PTBP1: variants seen among roughly 807,000 people sequenced by gnomAD.
PTBP1 encodes polypyrimidine tract-binding protein 1.
PTBP1 carries 8 observed loss-of-function variants against 59.8 expected under a neutral mutation model. The observed-to-expected ratio is 0.13, with a 90% CI of 0.08 to 0.24. PTBP1 has a LOEUF of 0.24. Among genes scored for constraint, PTBP1 ranks in the 10% least tolerant of loss-of-function variants. PTBP1 has a pLI of 1.00. For synonymous variants in PTBP1, 490 were observed against 320.7 expected, an observed-to-expected ratio of 1.53 and a Z score of -5.64; for missense variants, 686 against 767.0, an observed-to-expected ratio of 0.89 and a Z score of 1.25.
chr19:804,443 G>A lies in PTBP1; in HGVS notation c.435+5G>A, dbSNP rs1286456591. ...GACAGCTCTCCCAACCAGGCGGTGCGTGGCCCCGCGGCGGACCCCAGCAGC... is the reference window on the plus strand; with the variant it reads ...GACAGCTCTCCCAACCAGGCGGTGCATGGCCCCGCGGCGGACCCCAGCAGC... On this transcript the variant is annotated splice_donor_5th_base_variant and intron_variant, in intron 5 of 14. Transcript: ENST00000356948. 3.1e-6 allele frequency: 5 copies of A among 1,609,280 alleles called. No individual in the cohort carries two copies. The highest frequency in any genetic ancestry group is 1.1e-5 in the South Asian group (1 of 91,000).
Position 808,587 on chromosome 19 carries a change from A to C in PTBP1, c.1288A>C (p.Ile430Leu). 6.2e-7 allele frequency: 1 copy of C among 1,606,394 alleles called. No individual in the cohort carries two copies. Among genetic ancestry groups the C allele is most frequent in the Non-Finnish European group, 8.5e-7 (1 of 1,177,916 alleles). Residue 430 changes from isoleucine (I) to leucine (L), a missense_variant, in exon 13 of 15, where the codon ATC (isoleucine) becomes CTC (leucine). Physicochemically the swap from Ile to Leu is conservative, Grantham distance 5. Coordinates refer to ENST00000356948, the MANE Select transcript of PTBP1 (RefSeq NM_002819.5). The surrounding 1 kb of genome is among the most constrained non-coding windows in gnomAD (Gnocchi z 4.7). ...LNGHKLHGKP[I>L]RITLSKHQNV... ...CGGGCACAAGCTGCACGGGAAGCCC[A>C]TCCGCATCACGCTCTCGAAGCACCA...
chr19:805,451 G>A, intron 8 of PTBP1, 41 bp from the exon 9 acceptor site: 2 of 1,563,864 alleles, frequency 1.3e-6, no homozygotes, highest in Non-Finnish European at 1.8e-6. Context: ...GCTCGCGGTG[G>A]AGGTTGTGGG....
Position 808,151 on chromosome 19 carries a change from C to G in PTBP1, c.1154-209C>G. 4 of 633,188 alleles carry G rather than the reference C, an allele frequency of 6.3e-6. No homozygotes were observed. Among genetic ancestry groups the G allele is most frequent in the Non-Finnish European group, 1.1e-5 (4 of 354,558 alleles). The allele number at this position is 633,188 out of a possible 1,614,324, so 39.2% of individuals were successfully genotyped here. ...TGCCACCGTGGCCACCCGCTGGCAG[C>G]TTACCTGTCCTGGATGCTATGACTT... On this transcript the variant is annotated intron_variant, in intron 11 of 14. Transcript: ENST00000356948. This position sits in a 1 kb window ranked among gnomAD's most constrained non-coding sequence, Gnocchi z 4.7.
intron 2 of PTBP1, among the ~76,000 whole-genome samples, chr19:803,112 A>G (rs898047049): frequency 6.6e-6 from 1 of 152,116 alleles, no homozygotes; most frequent in Non-Finnish European, 1.5e-5. Flanking sequence ...AGAAGTGAGG[A>G]CGGCTGCCTG....
At chr19:805,288 T>G in intron 8 of PTBP1, 101 bp downstream of exon 8, 1 of 1,377,648 alleles carries the variant, frequency 7.3e-7, no homozygotes, top group Non-Finnish European at 1.0e-6. Flanking sequence ...ACCAGGGTGA[T>G]GCACCTGCTG....
Position 808,693 on chromosome 19 carries a change from A to G in PTBP1, c.1394A>G (p.Lys465Arg). 1 of 1,613,216 alleles carries G rather than the reference A, an allele frequency of 6.2e-7. No individual in the cohort carries two copies. The highest frequency in any genetic ancestry group is 8.5e-7 in the Non-Finnish European group (1 of 1,179,966). ...DYGNSPLHRF[K>R]KPGSKNFQNI... ...GGCAACTCACCCCTGCACCGCTTCA[A>G]GAAGCCGGGCTCCAAGAACTTCCAG... The change falls in exon 13 of 15, where the codon AAG becomes AGG. Residue 465 changes from lysine to arginine, a missense_variant. By Grantham distance (26) the Lys-to-Arg change is conservative. Transcript: ENST00000356948. This position sits in a 1 kb window ranked among gnomAD's most constrained non-coding sequence, Gnocchi z 4.7.
intron 1 of PTBP1, chr19:799,211 C>A (rs558338411): frequency 1.2e-4 from 83 of 666,798 alleles, no homozygotes; most frequent in South Asian, 7.0e-4. Flanking sequence ...AATGGTGGCC[C>A]CTTTTCAAGT....
chr19:808,640 G>A lies in PTBP1; in HGVS notation c.1341G>A (p.Gln447=). ...HQNVQLPREG[Q]EDQGLTKDYG... ...ACGTGCAGCTGCCCCGCGAGGGCCA[G>A]GAGGACCAGGGCCTGACCAAGGACT... Residue 447 remains glutamine (Q), a synonymous_variant, in exon 13 of 15, where the codon CAG becomes CAA. Coordinates refer to ENST00000356948, the MANE Select transcript of PTBP1 (RefSeq NM_002819.5). This position sits in a 1 kb window ranked among gnomAD's most constrained non-coding sequence, Gnocchi z 4.7. 4 of 1,611,722 alleles carry A rather than the reference G, an allele frequency of 2.5e-6. No homozygotes were observed. Among genetic ancestry groups the A allele is most frequent in the Non-Finnish European group, 3.4e-6 (4 of 1,179,874 alleles).
At chr19:802,226 C>A (rs567071028) in intron 2 of PTBP1, among the ~76,000 whole-genome samples, 1 of 152,180 alleles carries the variant, frequency 6.6e-6, no homozygotes, top group Non-Finnish European at 1.5e-5. Flanking sequence ...TTGCCGTCCG[C>A]GTCGGGAGGA....
In PTBP1 at chr19:799,861, C is replaced by T. The variant is rs370112700; in HGVS notation, c.39+418C>T. ...CTGTGGAGGGGACCTGGATAGAATC[C>T]AGCCTATTTGAGTGGCTAGGATGGG... is the stretch of plus-strand genomic sequence containing the variant. On this transcript the variant is annotated intron_variant, in intron 2 of 14. Transcript: ENST00000356948. Among the ~76,000 whole-genome samples the T allele has an allele frequency of 2.1e-4, 32 of 152,278 alleles. No individual in the cohort carries two copies. In the South Asian group the frequency reaches 3.7e-3, roughly 18 times the overall value.
At chr19:805,804 C>T (rs1219966775) in intron 9 of PTBP1, 3 of 558,858 alleles carry the variant, frequency 5.4e-6, no homozygotes, top group Non-Finnish European at 9.6e-6. Flanking sequence ...GCTAATCGCA[C>T]AGTCTTTGTG....
intron 5 of PTBP1, 35 bp downstream of exon 5, chr19:804,473 G>A (rs1241799299): frequency 6.3e-6 from 10 of 1,598,454 alleles, no homozygotes; most frequent in Non-Finnish European, 7.7e-6. Flanking sequence ...AGCAGCCCGG[G>A]GACCTCGGGG....
At chr19:801,795 C>G (rs1032616378) in intron 2 of PTBP1, among the ~76,000 whole-genome samples, 1 of 152,200 alleles carries the variant, frequency 6.6e-6, no homozygotes, top group Non-Finnish European at 1.5e-5. Context: ...TTTCTGATCG[C>G]GTGGTTTCCA....
chr19:805,557 C>T lies in PTBP1; in HGVS notation c.958C>T (p.Pro320Ser), dbSNP rs775318813. 1.2e-6 allele frequency: 2 copies of T among 1,613,604 alleles called. No individual in the cohort carries two copies. Among genetic ancestry groups the T allele is most frequent in the Admixed American group, 1.7e-5 (1 of 60,028 alleles). The change falls in exon 9 of 15, where the codon CCT (proline) becomes TCT (serine). Residue 320 changes from proline to serine, a missense_variant. Pro to Ser is a moderately conservative substitution (Grantham distance 74). Transcript: ENST00000356948. ...TGGTTTCCCTCCCACCTTTGCCATT[C>T]CTCAAGCTGCAGGTATTCAAACGCT... ...GAGFPPTFAI[P>S]QAAGLSVPNV...
chr19:808,310 G>T lies in PTBP1; in HGVS notation c.1154-50G>T. 6.9e-7 allele frequency: 1 copy of T among 1,452,398 alleles called. No individual in the cohort carries two copies. Among genetic ancestry groups the T allele is most frequent in the South Asian group, 1.2e-5 (1 of 82,458 alleles). The allele number at this position is 1,452,398 out of a possible 1,614,324, so 90.0% of individuals were successfully genotyped here. On this transcript the variant is annotated intron_variant, in intron 11 of 14. Coordinates refer to ENST00000356948, the MANE Select transcript of PTBP1 (RefSeq NM_002819.5). This position sits in a 1 kb window ranked among gnomAD's most constrained non-coding sequence, Gnocchi z 4.7. ...GCGGGGCCGGGGCTGACGGGGAGAT[G>T]GGCGGGGCAGGCAGCAGGAGACTCA...
In PTBP1 at chr19:805,015, G is replaced by T; in HGVS notation, c.720G>T (p.Ser240=). The change falls in exon 8 of 15, where the codon TCG becomes TCT. Residue 240 remains serine (S), a splice_region_variant and synonymous_variant. Transcript: ENST00000356948. ...DPVSAQHAKL[S]LDGQNIYNAC... is the part of the protein sequence containing the mutation. ...TCTCACGGTCCCTCTCCCCTCAGTC[G>T]CTGGACGGGCAGAACATCTACAACG... 2 of 1,613,442 alleles carry T rather than the reference G, an allele frequency of 1.2e-6. No homozygotes were observed. The highest frequency in any genetic ancestry group is 1.7e-6 in the Non-Finnish European group (2 of 1,179,616).
At chr19:810,444 C>T (rs2145039209) in intron 13 of PTBP1, 99 bp from the exon 14 acceptor site, 1 of 1,013,558 alleles carries the variant, frequency 9.9e-7, no homozygotes, top group Non-Finnish European at 1.5e-6. Context: ...TACGCCTTCC[C>T]CGGCTACTCT....
chr19:806,050 G>C (rs1010965677), intron 9 of PTBP1: 5 of 254,254 alleles, frequency 2.0e-5, no homozygotes, highest in Admixed American at 5.5e-5. Context: ...CGGCCGCCTC[G>C]TCTGCATGGA....
chr19:801,695 G>A (rs1177366113), intron 2 of PTBP1, among the ~76,000 whole-genome samples: 1 of 152,202 alleles, frequency 6.6e-6, no homozygotes, highest in Non-Finnish European at 1.5e-5. Flanking sequence ...GACTTCCTGT[G>A]GGAGGCGAAG....
Sources: allele counts gnomAD v4.1 joint callset (sites outside exome capture counted in the v4.1 genomes callset), GRCh38; gene constraint gnomAD v4.1.1; non-coding constraint Gnocchi (gnomAD v3.1); transcripts MANE v1.5; gene names NCBI Gene and HGNC (gene_info 2026-07-23, HGNC 2026-07-21).